PRR35: variants seen among roughly 807,000 people sequenced by gnomAD.
PRR35 encodes the protein proline-rich protein 35.
In PRR35, 14 loss-of-function variants were observed where a neutral mutation model predicts 18.6. That is an observed-to-expected ratio of 0.75 (90% CI 0.50 to 1.18). The LOEUF (loss-of-function observed/expected upper bound fraction) is 1.18, where lower values mean the gene tolerates loss of function less well. Ranked by LOEUF, PRR35 falls within the 50% of genes most tolerant of loss-of-function variation. The pLI is 0.00. For synonymous variants in PRR35, 425 were observed against 378.2 expected (o/e 1.12, Z -1.43); for missense variants, 832 against 792.2 (o/e 1.05, Z -0.60).
At chr16:562,532 TGTGCACACACAC>T (rs2035454162) in intron 1 of PRR35, among the ~76,000 whole-genome samples, 3 of 121,748 alleles carry the variant, frequency 2.5e-5, no homozygotes, top group Admixed American at 1.8e-4. Flanking sequence ...CGCACACACG[TGTGCACACACAC>T]GCACATGCAC....
rs768734513 is a variant in PRR35 at position 564,726 on chromosome 16, G to A, written c.1135G>A (p.Gly379Ser). ...MLWPEDGDPG[G>S]PETPGPEGPL... is the part of the protein sequence containing the mutation. ...GTGGCCTGAGGACGGGGATCCAGGC[G>A]GCCCTGAGACCCCCGGCCCTGAGGG... Residue 379 changes from glycine (G) to serine (S), a missense_variant, in exon 3 of 3, where the codon GGC (glycine) becomes AGC (serine). This residue lies in a region of PRR35 where 768 missense variants were observed against 704.1 expected (regional missense o/e 1.09). Transcript: ENST00000409413. 3.5e-5 allele frequency: 54 copies of A among 1,534,224 alleles called. No homozygotes were observed. Among genetic ancestry groups the A allele is most frequent in the African/African-American group, 3.0e-4 (22 of 72,896 alleles).
At chr16:564,543 G>T (rs572911571) in intron 2 of PRR35, 131 bp from the exon 3 acceptor site, 2 of 1,392,478 alleles carry the variant, frequency 1.4e-6, no homozygotes, top group Non-Finnish European at 1.9e-6. Context: ...CCAGCGCGGG[G>T]GTCCTCGGGG....
chr16:563,533 C>A lies in PRR35; in HGVS notation c.239C>A (p.Ser80Tyr), dbSNP rs746838801. The change falls in exon 2 of 3, where the codon TCC (serine) becomes TAC (tyrosine). Residue 80 changes from serine to tyrosine, a missense_variant. Around this residue, in one of 3 missense-constraint regions of PRR35, gnomAD observed 768 missense variants for 704.1 expected, o/e 1.09. Coordinates refer to ENST00000409413, the MANE Select transcript of PRR35 (RefSeq NM_145270.3). ...DSPDWACRRG[S>Y]TTPRPHAPTP... is the part of the protein sequence containing the mutation. ...CCAGACTGGGCGTGCCGCCGTGGCT[C>A]CACCACGCCTAGGCCCCACGCACCC... is the stretch of plus-strand genomic sequence containing the variant. 2 of 1,611,542 alleles carry A rather than the reference C, an allele frequency of 1.2e-6. No homozygotes were observed. The highest frequency in any genetic ancestry group is 1.7e-5 in the Admixed American group (1 of 59,948).
chr16:564,011 C>T lies in PRR35; in HGVS notation c.717C>T (p.Ala239=), dbSNP rs1273174992. Residue 239 remains alanine, a synonymous_variant, in exon 2 of 3, where the codon GCC becomes GCT. Coordinates refer to ENST00000409413, the MANE Select transcript of PRR35 (RefSeq NM_145270.3). ...AAAHVPFLAS[A]SPLLPPATAF... Reference sequence around the variant, plus strand: ...CCCATGTGCCCTTCCTGGCCTCGGCCAGCCCCCTGCTGCCCCCGGCCACGG... The same window carrying T: ...CCCATGTGCCCTTCCTGGCCTCGGCTAGCCCCCTGCTGCCCCCGGCCACGG... The T allele has an allele frequency of 1.9e-6, 3 of 1,595,868 alleles. No individual in the cohort carries two copies. The highest frequency in any genetic ancestry group is 2.6e-6 in the Non-Finnish European group (3 of 1,174,436).
chr16:563,569 GC>G lies in PRR35; in HGVS notation c.278del (p.Pro93LeufsTer210). Reference protein sequence around the residue: ...TPRPHAPTPDRPGESDPGRQP... With the variant: ...TPRPHAPTPDXPGESDPGRQP... Reference sequence around the variant, plus strand: ...AGGCCCCACGCACCCACCCCAGACCGCCCTGGGGAGTCCGACCCCGGCAGGC... The same window carrying G: ...AGGCCCCACGCACCCACCCCAGACCGCCTGGGGAGTCCGACCCCGGCAGGC... On this transcript the variant is annotated frameshift_variant, in exon 2 of 3. Transcript: ENST00000409413. LOFTEE classifies it high-confidence loss of function. The G allele has an allele frequency of 1.2e-6, 2 of 1,606,082 alleles. No individual in the cohort carries two copies.
At chr16:562,455 C>T (rs2035449510) in intron 1 of PRR35, among the ~76,000 whole-genome samples, 1 of 152,238 alleles carries the variant, frequency 6.6e-6, no homozygotes, top group African/African-American at 2.4e-5. Flanking sequence ...TGCATGCACA[C>T]ATGCACACAC....
intron 1 of PRR35, chr16:561,879 C>A (rs1441460487): frequency 1.6e-6 from 1 of 618,846 alleles, no homozygotes; most frequent in Admixed American, 6.3e-5. Flanking sequence ...AAAGCCCCCC[C>A]ACACCTGGAT....
rs544092169 is a variant in PRR35 at position 563,454 on chromosome 16, A to T, written c.160A>T (p.Asn54Tyr). The change falls in exon 2 of 3, where the codon AAC (asparagine) becomes TAC (tyrosine). Residue 54 changes from asparagine (N) to tyrosine (Y), a missense_variant. Physicochemically the swap from Asn to Tyr is moderately radical, Grantham distance 143. Coordinates refer to ENST00000409413, the MANE Select transcript of PRR35 (RefSeq NM_145270.3). ...CTGCCTGGAGAAGTCACACCTCTAC[A>T]ACCACATGAAGTACAGCCTCTGCAA... ...FTCLEKSHLY[N>Y]HMKYSLCKDS... 4.3e-6 allele frequency: 7 copies of T among 1,612,542 alleles called. No homozygotes were observed. In the Admixed American group the frequency reaches 1.2e-4, roughly 27 times the overall value.
At chr16:560,937 G>GC (rs1399092201) in intron 1 of PRR35, among the ~76,000 whole-genome samples, 2 of 151,738 alleles carry the variant, frequency 1.3e-5, no homozygotes, top group African/African-American at 4.8e-5. Context: ...GCGTTCCCGG[G>GC]GGGGGGGGCA....
intron 1 of PRR35, among the ~76,000 whole-genome samples, chr16:562,592 C>G (rs201968781): frequency 1.2e-5 from 1 of 84,690 alleles, no homozygotes; most frequent in Non-Finnish European, 2.8e-5. Flanking sequence ...CATGCACACA[C>G]ACAGACACAC....
Position 564,008 on chromosome 16 carries a change from G to A in PRR35, c.714G>A (p.Ser238=), listed in dbSNP as rs748444703. The change falls in exon 2 of 3, where the codon TCG becomes TCA. Residue 238 remains serine, a synonymous_variant. Transcript: ENST00000409413. ...CAGCCCATGTGCCCTTCCTGGCCTC[G>A]GCCAGCCCCCTGCTGCCCCCGGCCA... ...AAAAHVPFLA[S]ASPLLPPATA... 28 of 1,597,380 alleles carry A rather than the reference G, an allele frequency of 1.8e-5. No homozygotes were observed. Among genetic ancestry groups the A allele is most frequent in the African/African-American group, 4.0e-5 (3 of 74,560 alleles).
Position 564,374 on chromosome 16 carries a change from C to G in PRR35, c.1080C>G (p.Ser360Arg), listed in dbSNP as rs1326797384. The change falls in exon 2 of 3, where the codon AGC becomes AGG. Residue 360 changes from serine (S) to arginine (R), a missense_variant and splice_region_variant. Ser to Arg is a moderately radical substitution (Grantham distance 110, BLOSUM62 -1). Transcript: ENST00000409413. ...GCCTGACAAGGTTCTGTTCCCGGAG[C>G]AGGTGGGCGTCTTGGGCTCCCGGTT... ...SPSLTRFCSRSSLPTGSSVML... is the reference protein window; with the variant it reads ...SPSLTRFCSRRSLPTGSSVML... 6.3e-7 allele frequency: 1 copy of G among 1,589,954 alleles called. No individual in the cohort carries two copies. Among genetic ancestry groups the G allele is most frequent in the Non-Finnish European group, 8.5e-7 (1 of 1,175,768 alleles).
At chr16:560,382 G>C, upstream of PRR35, 10 of 983,014 alleles carry the variant, frequency 1.0e-5, no homozygotes, top group Non-Finnish European at 1.2e-5. Context: ...ACGCGCGCCC[G>C]CCTCTGCCGC....
At position 565,293 on chromosome 16, in the gene PRR35, G is replaced by A. The variant is rs1596376668; in HGVS notation, c.1702G>A (p.Gly568Ser). ...EAVCGLQSPQ[G>S]AEV ...TGTCTGTGGCCTGCAGAGCCCCCAG[G>A]GCGCCGAGGTCTGACCTGCAGCGCC... Residue 568 changes from glycine (G) to serine (S), a missense_variant, in exon 3 of 3, where the codon GGC (glycine) becomes AGC (serine). Gly to Ser is a moderately conservative substitution (Grantham distance 56). Around this residue, in one of 3 missense-constraint regions of PRR35, gnomAD observed 768 missense variants for 704.1 expected, o/e 1.09. Coordinates refer to ENST00000409413, the MANE Select transcript of PRR35 (RefSeq NM_145270.3). 9 of 1,519,498 alleles carry A rather than the reference G, an allele frequency of 5.9e-6. No homozygotes were observed. Among genetic ancestry groups the A allele is most frequent in the Non-Finnish European group, 8.8e-7 (1 of 1,133,342 alleles). 94.1% of individuals were successfully genotyped at this position (1,519,498 alleles called of 1,614,324 possible).
In PRR35 at chr16:564,744, C is replaced by A. The variant is rs1205475292; in HGVS notation, c.1153C>A (p.Pro385Thr). 6.5e-7 allele frequency: 1 copy of A among 1,536,126 alleles called. No homozygotes were observed. Among genetic ancestry groups the A allele is most frequent in the Admixed American group, 1.9e-5 (1 of 51,368 alleles). ...GDPGGPETPG[P>T]EGPLPLQPRG... ...TCCAGGCGGCCCTGAGACCCCCGGC[C>A]CTGAGGGCCCCCTCCCCCTGCAGCC... Residue 385 changes from proline (P) to threonine (T), a missense_variant, in exon 3 of 3, where the codon CCT (proline) becomes ACT (threonine). By Grantham distance (38) the Pro-to-Thr change is conservative. This residue lies in a region of PRR35 where 768 missense variants were observed against 704.1 expected (regional missense o/e 1.09). Transcript: ENST00000409413.
intron 1 of PRR35, 91 bp downstream of exon 1, chr16:560,752 T>TG: frequency 2.5e-6 from 2 of 799,138 alleles, no homozygotes; most frequent in African/African-American, 2.5e-5. Flanking sequence ...GCCAGGCGTG[T>TG]GGGGGGCGCG....
Position 563,912 on chromosome 16 carries a change from G to A in PRR35, c.618G>A (p.Leu206=), listed in dbSNP as rs1369693575. The change falls in exon 2 of 3, where the codon CTG becomes CTA. Residue 206 remains leucine (L), a synonymous_variant. Transcript: ENST00000409413. ...GEFPEAHSLH[L]SLLGVNYPLS... ...TCCCTGAGGCCCACAGCCTCCACCT[G>A]TCTCTGCTGGGCGTCAACTACCCGC... 1.9e-6 allele frequency: 3 copies of A among 1,590,514 alleles called. No individual in the cohort carries two copies. Among genetic ancestry groups the A allele is most frequent in the Admixed American group, 3.5e-5 (2 of 57,304 alleles).
At chr16:560,712 G>GGAGA in intron 1 of PRR35, 51 bp downstream of exon 1, 1 of 976,950 alleles carries the variant, frequency 1.0e-6, no homozygotes, top group Non-Finnish European at 1.2e-6. Context: ...CGCGGGGCCG[G>GGAGA]CTGGACGCGG....
chr16:563,294 C>T lies in PRR35; in HGVS notation c.-1C>T, dbSNP rs2142109586. The T allele has an allele frequency of 6.2e-7, 1 of 1,602,160 alleles. No individual in the cohort carries two copies. Among genetic ancestry groups the T allele is most frequent in the South Asian group, 1.1e-5 (1 of 90,384 alleles). ...CCGGCCCTGCCTCATAGCAGGCTGC[C>T]ATGTCGCGGGAGGCGGGCTCATGCC... On this transcript the variant is annotated 5_prime_UTR_variant, in exon 2 of 3. Transcript: ENST00000409413.
Sources: gnomAD v4.1 joint callset for allele counts (sites outside exome capture counted in the v4.1 genomes callset) on GRCh38, gnomAD v4.1.1 for gene constraint, gnomAD v4.1.1 regional missense constraint, MANE v1.5 for transcripts, NCBI Gene and HGNC (gene_info 2026-07-23, HGNC 2026-07-21) for gene names.